The following ZCCHC2 variants were observed in gnomAD, a reference collection of about 807,000 sequenced individuals.
ZCCHC2 encodes the protein zinc finger CCHC-type containing 2, also known as zinc finger CCHC domain-containing protein 2.
Under a neutral mutation model 103.6 loss-of-function variants are expected in ZCCHC2, and 39 were observed. The observed-to-expected ratio is 0.38, with a 90% CI of 0.29 to 0.49. The LOEUF is 0.49. Among genes scored for constraint, ZCCHC2 ranks in the 20% least tolerant of loss-of-function variants. ZCCHC2 has a pLI of 0.96. For missense variants in ZCCHC2, 1,483 were observed against 1,491.0 expected (o/e 0.99, Z 0.09); for synonymous variants, 687 against 608.9 (o/e 1.13, Z -1.89).
At chr18:62,526,205 C>A in intron 1 of ZCCHC2, 1 of 152,318 alleles carries the variant, frequency 6.6e-6, no homozygotes. Context: ...GTGACCTTTT[C>A]TGCAACCAGT....
At chr18:62,528,434 A>T (rs1914531646) in intron 1 of ZCCHC2, among the ~76,000 whole-genome samples, 1 of 152,108 alleles carries the variant, frequency 6.6e-6, no homozygotes, top group African/African-American at 2.4e-5. Context: ...CTCTATTAAG[A>T]AAAATACAAA....
At chr18:62,528,539 C>T (rs1371879496) in intron 1 of ZCCHC2, among the ~76,000 whole-genome samples, 2 of 149,456 alleles carry the variant, frequency 1.3e-5, no homozygotes, top group Non-Finnish European at 2.9e-5. Context: ...GCAGAGGTTG[C>T]AGTGAGCCGA....
chr18:62,542,850 T>G (rs757586524), intron 3 of ZCCHC2, among the ~76,000 whole-genome samples: 2 of 152,152 alleles, frequency 1.3e-5, no homozygotes, highest in Non-Finnish European at 2.9e-5. Context: ...AAAAATGCCA[T>G]TGTGTTTTAA....
rs1428315447 is a variant in ZCCHC2 at position 62,523,055 on chromosome 18, G to C, written c.-370G>C. The stretch of plus-strand genomic sequence containing the variant: ...CTCACCCAGCCGCTCCGTCCTCACC[G>C]GCTCGCGAGGGAACAGCTCAGGCAC... On this transcript the variant is annotated 5_prime_UTR_variant, in exon 1 of 14. Transcript: ENST00000269499. 1 of 152,230 alleles carries C rather than the reference G, an allele frequency of 6.6e-6. No homozygotes were observed. Among genetic ancestry groups the C allele is most frequent in the Non-Finnish European group, 1.5e-5 (1 of 68,118 alleles). 9.4% of individuals were successfully genotyped at this position (152,230 alleles called of 1,614,324 possible).
intron 1 of ZCCHC2, among the ~76,000 whole-genome samples, chr18:62,528,128 CAG>C (rs1491449637): frequency 6.6e-6 from 1 of 152,196 alleles, no homozygotes; most frequent in Non-Finnish European, 1.5e-5. Context: ...GCTTGACTAA[CAG>C]TACTAATGTT....
At chr18:62,574,023 C>T (rs1040337270) in intron 12 of ZCCHC2, 34 bp from the exon 13 acceptor site, 28 of 1,574,320 alleles carry the variant, frequency 1.8e-5, no homozygotes, top group Middle Eastern at 1.7e-4. Context: ...GAGTTATGCC[C>T]GTGTTAATAT....
chr18:62,523,383 C>T lies in ZCCHC2; in HGVS notation c.-42C>T. The T allele has an allele frequency of 1.6e-6, 1 of 633,946 alleles. No homozygotes were observed. Among genetic ancestry groups the T allele is most frequent in the Non-Finnish European group, 2.0e-6 (1 of 505,072 alleles). The allele number at this position is 633,946 out of a possible 1,614,324, so 39.3% of individuals were successfully genotyped here. On this transcript the variant is annotated 5_prime_UTR_variant, in exon 1 of 14. Transcript: ENST00000269499. ...CCCGTGCTCCACCTCGCGGCCCCTC[C>T]CGCCCGCCCCCGCTCGCATGTCTGC...
At chr18:62,546,205 GCTT>G in intron 4 of ZCCHC2, among the ~76,000 whole-genome samples, 1 of 152,304 alleles carries the variant, frequency 6.6e-6, no homozygotes, top group South Asian at 2.1e-4. Context: ...AGGTCTGTGA[GCTT>G]CTGTCTGCTG....
At chr18:62,556,347 T>A in intron 6 of ZCCHC2, 50 bp downstream of exon 6, 11 of 1,415,458 alleles carry the variant, frequency 7.8e-6, no homozygotes, top group Non-Finnish European at 1.1e-5. Context: ...TGTTGGATTT[T>A]ATTGCTTTAC....
intron 4 of ZCCHC2, among the ~76,000 whole-genome samples, chr18:62,546,828 T>G (rs1915433597): frequency 6.6e-6 from 1 of 152,206 alleles, no homozygotes; most frequent in Non-Finnish European, 1.5e-5. Flanking sequence ...AGTAATTCAC[T>G]CTTCAGAATC....
At chr18:62,542,371 C>G (rs955618224) in intron 2 of ZCCHC2, 127 bp from the exon 3 acceptor site, 2 of 604,232 alleles carry the variant, frequency 3.3e-6, no homozygotes, top group Non-Finnish European at 5.6e-6. Context: ...GATTTAAGAC[C>G]AGTCATAAAG....
intron 1 of ZCCHC2, among the ~76,000 whole-genome samples, chr18:62,532,755 G>T (rs184173020): frequency 3.3e-5 from 5 of 152,340 alleles, no homozygotes; most frequent in Admixed American, 3.3e-4. Context: ...GACCTCTCAG[G>T]CCAGGTGTGG....
chr18:62,549,266 A>G (rs374905609), intron 4 of ZCCHC2, among the ~76,000 whole-genome samples: 2 of 152,206 alleles, frequency 1.3e-5, no homozygotes, highest in African/African-American at 4.8e-5. Flanking sequence ...GTCAGAGGGC[A>G]TGATTCCCAC....
At chr18:62,552,845 G>A (rs906707389) in intron 5 of ZCCHC2, among the ~76,000 whole-genome samples, 1 of 150,082 alleles carries the variant, frequency 6.7e-6, no homozygotes, top group Admixed American at 6.6e-5. Flanking sequence ...AGCTATGATT[G>A]CACCTCTGAA....
chr18:62,567,080 A>C (rs1916400743), intron 11 of ZCCHC2, among the ~76,000 whole-genome samples: 1 of 152,210 alleles, frequency 6.6e-6, no homozygotes, highest in Non-Finnish European at 1.5e-5. Context: ...GTATGTATTT[A>C]CATTTATAAA....
intron 9 of ZCCHC2, 36 bp downstream of exon 9, chr18:62,563,180 A>G: frequency 6.3e-7 from 1 of 1,586,912 alleles, no homozygotes; most frequent in Non-Finnish European, 8.6e-7. Flanking sequence ...TATATAGTTA[A>G]AGCATTGCTC....
intron 12 of ZCCHC2, among the ~76,000 whole-genome samples, chr18:62,571,849 G>A (rs1002661836): frequency 6.8e-6 from 1 of 147,340 alleles, no homozygotes; most frequent in African/African-American, 2.7e-5. Flanking sequence ...ATCACGCTAT[G>A]TCTTAGGGAG....
intron 1 of ZCCHC2, chr18:62,527,017 C>CT (rs1914450021): frequency 4.2e-5 from 1 of 23,810 alleles, no homozygotes; most frequent in Non-Finnish European, 8.7e-5. Context: ...TTTCCCCCGC[C>CT]CCCCCCCCCC....
At chr18:62,585,187 A>T (rs1568564556) in exon 15 of ZCCHC2, 1 of 152,260 alleles carries the variant, frequency 6.6e-6, no homozygotes, top group East Asian at 1.9e-4. Context: ...CTGTCAGATA[A>T]ATTCAAGTGG....
Sources: allele counts gnomAD v4.1 joint callset (sites outside exome capture counted in the v4.1 genomes callset), GRCh38; gene constraint gnomAD v4.1.1; transcripts MANE v1.5; gene names NCBI Gene and HGNC (gene_info 2026-07-23, HGNC 2026-07-21).